GRM8: variants seen among roughly 807,000 people sequenced by gnomAD.
GRM8 encodes the protein metabotropic glutamate receptor 8.
In GRM8, 47 loss-of-function variants were observed where a neutral mutation model predicts 87.2. That is an observed-to-expected ratio of 0.54 (90% CI 0.43 to 0.69). The LOEUF (loss-of-function observed/expected upper bound fraction) is 0.69. GRM8 is among the 30% of genes least tolerant of loss of function. GRM8 has a pLI of 0.00. For missense variants in GRM8, 1,019 were observed against 1,139.2 expected, an observed-to-expected ratio of 0.89 and a Z score of 1.52; for synonymous variants, 396 against 404.5, an observed-to-expected ratio of 0.98 and a Z score of 0.25.
intron 2 of GRM8, among the ~76,000 whole-genome samples, chr7:127,143,742 A>C (rs1828402778): frequency 6.6e-6 from 1 of 152,158 alleles, no homozygotes; most frequent in South Asian, 2.1e-4. Context: ...GAAAAAAATT[A>C]AAAATTATTC....
intron 6 of GRM8, among the ~76,000 whole-genome samples, chr7:126,821,330 A>G (rs1657208663): frequency 6.6e-6 from 1 of 152,182 alleles, no homozygotes; most frequent in South Asian, 2.1e-4. Context: ...GAAAAGACAC[A>G]TACTGCAGTG....
intron 7 of GRM8, among the ~76,000 whole-genome samples, chr7:126,681,064 T>C (rs376427244): frequency 1.1e-4 from 16 of 152,206 alleles, no homozygotes; most frequent in Non-Finnish European, 2.1e-4. Context: ...TTAGAAATAT[T>C]TGAAAGAACA....
intron 3 of GRM8, among the ~76,000 whole-genome samples, chr7:126,923,126 AG>A (rs1485146448): frequency 6.6e-6 from 1 of 152,226 alleles, no homozygotes; most frequent in Non-Finnish European, 1.5e-5. Flanking sequence ...TTCTGTAACC[AG>A]GTTTCTCTTT....
At chr7:126,917,373 C>CCACA (rs71312846) in intron 3 of GRM8, among the ~76,000 whole-genome samples, 224 of 148,152 alleles carry the variant, frequency 1.5e-3, no homozygotes, top group African/African-American at 2.5e-3. Context: ...CCTCCTCCAA[C>CCACA]CACACACACA....
At chr7:127,238,398 C>T (rs1051687983) in intron 2 of GRM8, among the ~76,000 whole-genome samples, 7 of 151,916 alleles carry the variant, frequency 4.6e-5, no homozygotes, top group African/African-American at 1.7e-4. Flanking sequence ...CTGTAACTCT[C>T]AAATTTGTTT....
intron 3 of GRM8, among the ~76,000 whole-genome samples, chr7:126,953,040 G>A (rs1227083208): frequency 6.6e-6 from 1 of 151,948 alleles, no homozygotes; most frequent in African/African-American, 2.4e-5. Flanking sequence ...GCTAGGGCAG[G>A]GATATGTGAA....
intron 2 of GRM8, chr7:127,215,373 A>T (rs944274222): frequency 6.6e-6 from 1 of 152,162 alleles, no homozygotes; most frequent in African/African-American, 2.4e-5. Flanking sequence ...GGATTTTTCT[A>T]GTCCATCTTT....
intron 3 of GRM8, among the ~76,000 whole-genome samples, chr7:126,939,598 T>C (rs1054723723): frequency 2.0e-5 from 3 of 152,192 alleles, no homozygotes; most frequent in Non-Finnish European, 4.4e-5. Flanking sequence ...AAATACCTCA[T>C]CATAAGAAAA....
chr7:126,679,633 A>T (rs1807332828), intron 7 of GRM8, among the ~76,000 whole-genome samples: 1 of 152,202 alleles, frequency 6.6e-6, no homozygotes, highest in African/African-American at 2.4e-5. Flanking sequence ...TATAATAATC[A>T]CCATACATGA....
intron 7 of GRM8, among the ~76,000 whole-genome samples, chr7:126,714,931 T>C (rs75246815): frequency 0.045 from 6,844 of 152,162 alleles, 553 homozygotes; most frequent in African/African-American, 0.16. Flanking sequence ...TAGAACTGTA[T>C]TGTATTTATC....
intron 8 of GRM8, among the ~76,000 whole-genome samples, chr7:126,587,877 T>C (rs1244454750): frequency 1.3e-5 from 2 of 151,150 alleles, no homozygotes; most frequent in Admixed American, 6.6e-5. Flanking sequence ...CTGAAGAGTT[T>C]ACTAAATTTA....
intron 7 of GRM8, among the ~76,000 whole-genome samples, chr7:126,756,612 T>C (rs1817032762): frequency 6.6e-6 from 1 of 151,970 alleles, no homozygotes; most frequent in East Asian, 1.9e-4. Context: ...TAAAAAGACA[T>C]GGAGGAAACC....
chr7:126,942,003 T>A (rs919097476), intron 3 of GRM8, among the ~76,000 whole-genome samples: 1 of 152,216 alleles, frequency 6.6e-6, no homozygotes, highest in Non-Finnish European at 1.5e-5. Flanking sequence ...CTCACTTGAG[T>A]TGGAGTAAAA....
chr7:126,826,619 C>G (rs1385514232), intron 6 of GRM8, among the ~76,000 whole-genome samples: 1 of 152,060 alleles, frequency 6.6e-6, no homozygotes, highest in African/African-American at 2.4e-5. Context: ...GATATTAGCC[C>G]TTTGTCAGAT....
At chr7:126,625,800 T>C (rs1156691820) in intron 7 of GRM8, among the ~76,000 whole-genome samples, 1 of 151,890 alleles carries the variant, frequency 6.6e-6, no homozygotes, top group Admixed American at 6.6e-5. Context: ...AAATATCAAA[T>C]GTTTGGCTAA....
intron 2 of GRM8, among the ~76,000 whole-genome samples, chr7:127,109,047 A>G (rs975029051): frequency 1.3e-5 from 2 of 152,184 alleles, no homozygotes; most frequent in Non-Finnish European, 2.9e-5. Flanking sequence ...CTGTCCCAGC[A>G]TCCCCAGTAT....
At chr7:126,692,804 T>C (rs1808966667) in intron 7 of GRM8, among the ~76,000 whole-genome samples, 1 of 152,216 alleles carries the variant, frequency 6.6e-6, no homozygotes. Context: ...AACTATTCCT[T>C]AGGGAGTTGA....
chr7:127,202,336 C>T (rs1217758423), intron 2 of GRM8, among the ~76,000 whole-genome samples: 1 of 152,144 alleles, frequency 6.6e-6, no homozygotes, highest in Non-Finnish European at 1.5e-5. Context: ...TGCCACCACA[C>T]CTGGCTAATT....
rs1016305702 is a variant in GRM8, at chr7:126,717,583, C to T, written c.1357+52282G>A. On this transcript the variant is annotated intron_variant, in intron 7 of 10. Transcript: ENST00000339582. Reference sequence around the variant, plus strand: ...CCAATAACCATGCTTTCTCTACATACTATTTCAAATAAGTAGACTTTGTAG... The same window carrying T: ...CCAATAACCATGCTTTCTCTACATATTATTTCAAATAAGTAGACTTTGTAG... 3.6e-4 allele frequency among the ~76,000 whole-genome samples: 55 copies of T among 152,166 alleles called. 1 individual carries two copies. The highest frequency in any genetic ancestry group is 1.3e-4 in the Admixed American group (2 of 15,288).
Sources: allele counts gnomAD v4.1 joint callset (sites outside exome capture counted in the v4.1 genomes callset), GRCh38; gene constraint gnomAD v4.1.1; transcripts MANE v1.5; gene names NCBI Gene and HGNC (gene_info 2026-07-23, HGNC 2026-07-21).